The following ABI3BP variants were observed in gnomAD, a reference collection of about 807,000 sequenced individuals.
The protein encoded by ABI3BP is target of Nesh-SH3.
A neutral mutation model predicts 268.6 loss-of-function variants in ABI3BP; 216 were observed. That is an observed-to-expected ratio of 0.80 (90% CI 0.72 to 0.90). The LOEUF (loss-of-function observed/expected upper bound fraction) is 0.90. ABI3BP is among the 40% of genes least tolerant of loss of function. The pLI is 0.00. For synonymous variants in ABI3BP, 730 were observed against 730.0 expected (o/e 1.00, Z 0.00); for missense variants, 2,090 against 2,182.4 (o/e 0.96, Z 0.84).
Position 100,821,077 on chromosome 3 carries a change from G to C in ABI3BP, c.2924C>G (p.Thr975Ser), listed in dbSNP as rs530947668. 44 of 1,535,972 alleles carry C rather than the reference G, an allele frequency of 2.9e-5. No individual in the cohort carries two copies. In the East Asian group the frequency reaches 1.1e-3, roughly 37 times the overall value. Residue 975 changes from threonine (T) to serine (S), a missense_variant, in exon 39 of 68, where the codon ACT becomes AGT. Transcript: ENST00000471714. ...ACCTTGTGTTGTCACCCAAGTCTCAGTTCTGAGTGTAACAGGTTTGAGCTC... is the reference window on the plus strand; with the variant it reads ...ACCTTGTGTTGTCACCCAAGTCTCACTTCTGAGTGTAACAGGTTTGAGCTC... ...TAELKPVTLRTETWVTTQAPK... is the reference protein window; with the variant it reads ...TAELKPVTLRSETWVTTQAPK...
chr3:100,931,212 A>G (rs2063520011), intron 1 of ABI3BP, among the ~76,000 whole-genome samples: 1 of 152,158 alleles, frequency 6.6e-6, no homozygotes, highest in Non-Finnish European at 1.5e-5. Flanking sequence ...AGAGCCATCT[A>G]TGACAAACCC....
chr3:100,935,364 T>C (rs111655305), intron 1 of ABI3BP, among the ~76,000 whole-genome samples: 16 of 152,272 alleles, frequency 1.1e-4, no homozygotes, highest in African/African-American at 3.1e-4. Flanking sequence ...AGTACCATGA[T>C]GTTTTTGTTA....
At chr3:100,839,852 G>A (rs183559894) in intron 23 of ABI3BP, among the ~76,000 whole-genome samples, 1 of 152,084 alleles carries the variant, frequency 6.6e-6, no homozygotes, top group East Asian at 1.9e-4. Flanking sequence ...TAATGGGCCA[G>A]CTTTCTGCTG....
At chr3:100,885,612 C>T in intron 5 of ABI3BP, 24 bp from the exon 6 acceptor site, 10 of 1,440,550 alleles carry the variant, frequency 6.9e-6, no homozygotes, top group Non-Finnish European at 9.5e-6. Context: ...GGAAAAATAA[C>T]ATTATTTTTA....
chr3:100,775,214 T>C lies in ABI3BP; in HGVS notation c.4455A>G (p.Glu1485=), dbSNP rs775103869. The change falls in exon 60 of 68, where the codon GAA becomes GAG. Residue 1485 remains glutamate, a synonymous_variant. Transcript: ENST00000471714. ...IKQPTVPASG[E]ELENITDFSS... ...ACTGATGGCCATACGAACCCAGTTC[T>C]TCTCCAGAGGCAGGAACTGTTGGTT... The C allele has an allele frequency of 6.2e-7, 1 of 1,612,892 alleles. No homozygotes were observed. The highest frequency in any genetic ancestry group is 1.1e-5 in the South Asian group (1 of 90,714).
chr3:100,846,776 C>T (rs1223397869), intron 19 of ABI3BP, among the ~76,000 whole-genome samples: 2 of 152,020 alleles, frequency 1.3e-5, no homozygotes, highest in African/African-American at 4.8e-5. Context: ...ATTTTGCACC[C>T]TTACTTCATA....
intron 63 of ABI3BP, among the ~76,000 whole-genome samples, chr3:100,763,471 AAAAAAAG>A (rs1559880660): frequency 6.6e-6 from 1 of 151,930 alleles, no homozygotes; most frequent in East Asian, 1.9e-4. Context: ...CTCAAAAAAA[AAAAAAAG>A]AAAAAAGAAA....
chr3:100,864,465 A>G (rs1581044680), intron 11 of ABI3BP: 1 of 323,776 alleles, frequency 3.1e-6, no homozygotes, highest in East Asian at 5.9e-5. Context: ...AAGACTTCCC[A>G]AAGCCACTCT....
chr3:100,850,628 A>G (rs2098827304), intron 16 of ABI3BP, 32 bp downstream of exon 16: 1 of 1,545,498 alleles, frequency 6.5e-7, no homozygotes, highest in South Asian at 1.2e-5. Context: ...TTGATGGAAA[A>G]TAAAGTATGA....
intron 49 of ABI3BP, among the ~76,000 whole-genome samples, chr3:100,809,318 G>T (rs1213112821): frequency 6.6e-6 from 1 of 151,950 alleles, no homozygotes; most frequent in African/African-American, 2.4e-5. Context: ...CACAGTTCGT[G>T]ATTTTCTGAT....
chr3:100,866,962 A>C lies in ABI3BP; in HGVS notation c.911-6T>G. 6.2e-7 allele frequency: 1 copy of C among 1,612,934 alleles called. No homozygotes were observed. Among genetic ancestry groups the C allele is most frequent in the South Asian group, 1.1e-5 (1 of 91,002 alleles). On this transcript the variant is annotated splice_polypyrimidine_tract_variant and splice_region_variant and intron_variant, in intron 9 of 67. Coordinates refer to ENST00000471714, the MANE Select transcript of ABI3BP (RefSeq NM_001375547.2). ...TGCCAAGGTTTCATTCTTAGCTAAA[A>C]AGTCAGAGAACAAACAATTTATCTC...
At chr3:100,842,268 G>A (rs915769659) in intron 20 of ABI3BP, among the ~76,000 whole-genome samples, 1 of 147,680 alleles carries the variant, frequency 6.8e-6, no homozygotes, top group Non-Finnish European at 1.5e-5. Context: ...CCAATATTCT[G>A]GTTTGCCTCT....
chr3:100,787,311 C>G (rs1479686341), intron 57 of ABI3BP, among the ~76,000 whole-genome samples: 1 of 152,094 alleles, frequency 6.6e-6, no homozygotes, highest in Non-Finnish European at 1.5e-5. Flanking sequence ...TTCCAGATTG[C>G]TAACAGATGC....
At chr3:100,833,436 C>T (rs73135585) in intron 29 of ABI3BP, among the ~76,000 whole-genome samples, 20,369 of 152,062 alleles carry the variant, frequency 0.13, 1,778 homozygotes, top group South Asian at 0.26. Context: ...AATCTTAGGA[C>T]ATCTAATAAT....
intron 31 of ABI3BP, 81 bp downstream of exon 31, chr3:100,832,183 A>G (rs1273794378): frequency 4.4e-6 from 6 of 1,351,818 alleles, no homozygotes; most frequent in African/African-American, 1.5e-5. Context: ...GCACAACACA[A>G]TAGATTATAT....
intron 4 of ABI3BP, among the ~76,000 whole-genome samples, chr3:100,890,642 A>G (rs566017995): frequency 7.2e-5 from 11 of 152,094 alleles, no homozygotes; most frequent in Non-Finnish European, 1.3e-4. Context: ...GTCTTCTCCC[A>G]CTTTCTTACC....
chr3:100,880,800 T>C (rs913119738), intron 6 of ABI3BP, among the ~76,000 whole-genome samples: 1 of 152,214 alleles, frequency 6.6e-6, no homozygotes, highest in Non-Finnish European at 1.5e-5. Flanking sequence ...GAAAATTAGC[T>C]GTAATAAAGT....
chr3:100,894,917 C>T lies in ABI3BP; in HGVS notation c.461+3845G>A, dbSNP rs1043349371. On this transcript the variant is annotated intron_variant, in intron 4 of 67. Coordinates refer to ENST00000471714, the MANE Select transcript of ABI3BP (RefSeq NM_001375547.2). ...TCGCGCCTCTGCACTCCAGCCTGGGCGACAGAGCGGGATTCCGCTTCAAAA... is the reference window on the plus strand; with the variant it reads ...TCGCGCCTCTGCACTCCAGCCTGGGTGACAGAGCGGGATTCCGCTTCAAAA... 9.4e-5 allele frequency among the ~76,000 whole-genome samples: 7 copies of T among 74,510 alleles called. No individual in the cohort carries two copies. In the East Asian group the frequency reaches 1.6e-3, roughly 17 times the overall value. 48.9% of individuals were successfully genotyped at this position (74,510 alleles called of 152,430 possible).
chr3:100,760,858 T>C (rs1402205864), intron 63 of ABI3BP, among the ~76,000 whole-genome samples: 1 of 152,188 alleles, frequency 6.6e-6, no homozygotes, highest in African/African-American at 2.4e-5. Flanking sequence ...ATTGGTGTTC[T>C]TGGGTAATTG....
Sources: allele counts gnomAD v4.1 joint callset (sites outside exome capture counted in the v4.1 genomes callset), GRCh38; gene constraint gnomAD v4.1.1; transcripts MANE v1.5; gene names NCBI Gene and HGNC (gene_info 2026-07-23, HGNC 2026-07-21).